The following GRID1 variants were observed in gnomAD, a reference collection of about 807,000 sequenced individuals.
The protein encoded by GRID1 is glutamate receptor ionotropic, delta-1.
In GRID1, 28 loss-of-function variants were observed where a neutral mutation model predicts 98.0. That is an observed-to-expected ratio of 0.29 (90% CI 0.21 to 0.39). The LOEUF is 0.39. Ranked by LOEUF, GRID1 falls within the 10% of genes least tolerant of loss-of-function variation. The pLI, the probability that GRID1 is intolerant of heterozygous loss-of-function variation, is 1.00. For synonymous variants in GRID1, 553 were observed against 538.5 expected, an observed-to-expected ratio of 1.03 and a Z score of -0.37; for missense variants, 1,111 against 1,340.5, an observed-to-expected ratio of 0.83 and a Z score of 2.67.
Position 86,165,077 on chromosome 10 carries a change from T to C in GRID1, c.521-26053A>G, listed in dbSNP as rs539013681. Among the ~76,000 whole-genome samples, 35 of 152,158 alleles carry C rather than the reference T, an allele frequency of 2.3e-4. No homozygotes were observed. In the South Asian group the frequency reaches 3.3e-3, roughly 14 times the overall value. ...TGCTGTGTGCTCCAGAGGCAGACTG[T>C]GCCTGTCAGGACGAACAGTCATGGA... On this transcript the variant is annotated intron_variant, in intron 3 of 15. Transcript: ENST00000327946.
intron 5 of GRID1, among the ~76,000 whole-genome samples, chr10:85,911,574 G>A (rs1210577812): frequency 6.6e-6 from 1 of 152,156 alleles, no homozygotes; most frequent in African/African-American, 2.4e-5. Context: ...CAGGTGCAAA[G>A]GTTATGTGTG....
chr10:86,280,057 G>T (rs1380269527), intron 2 of GRID1, among the ~76,000 whole-genome samples: 1 of 151,938 alleles, frequency 6.6e-6, no homozygotes, highest in Non-Finnish European at 1.5e-5. Context: ...TTAAAAATTA[G>T]CCAGGCATAG....
intron 8 of GRID1, among the ~76,000 whole-genome samples, chr10:85,843,932 T>C (rs1217221914): frequency 6.6e-6 from 1 of 152,114 alleles, no homozygotes; most frequent in Admixed American, 6.5e-5. Context: ...ATTGCACTCT[T>C]GGGCATTTAT....
chr10:86,121,734 G>A (rs1167321228), intron 4 of GRID1, among the ~76,000 whole-genome samples: 2 of 152,130 alleles, frequency 1.3e-5, no homozygotes, highest in African/African-American at 2.4e-5. Context: ...TGACTGTCTT[G>A]TTAAACTCTC....
chr10:86,133,217 T>G (rs1043388378), intron 4 of GRID1, among the ~76,000 whole-genome samples: 5 of 150,724 alleles, frequency 3.3e-5, no homozygotes, highest in African/African-American at 1.2e-4. Context: ...GTGCATGTGT[T>G]TGTGTGTGTG....
intron 8 of GRID1, among the ~76,000 whole-genome samples, chr10:85,782,915 TG>T (rs1842393640): frequency 6.6e-6 from 1 of 152,056 alleles, no homozygotes; most frequent in African/African-American, 2.4e-5. Flanking sequence ...CACATTGACA[TG>T]GGATCAAAAG....
intron 8 of GRID1, among the ~76,000 whole-genome samples, chr10:85,832,882 C>A (rs963971864): frequency 2.6e-5 from 4 of 152,140 alleles, no homozygotes; most frequent in Middle Eastern, 3.2e-3. Context: ...AATGGCCCAG[C>A]CCTAGAAGCA....
intron 8 of GRID1, among the ~76,000 whole-genome samples, chr10:85,753,787 G>A (rs1054219331): frequency 3.3e-5 from 5 of 152,172 alleles, no homozygotes; most frequent in African/African-American, 1.2e-4. Flanking sequence ...ATAGGAAGGG[G>A]AGTGGGAGAT....
chr10:86,298,877 C>T, intron 2 of GRID1, among the ~76,000 whole-genome samples: 1 of 152,162 alleles, frequency 6.6e-6, no homozygotes, highest in Admixed American at 6.5e-5. Flanking sequence ...GGTTTGTTCA[C>T]CACTCACGGA....
intron 3 of GRID1, among the ~76,000 whole-genome samples, chr10:86,150,117 T>G (rs1465667551): frequency 6.6e-6 from 1 of 152,264 alleles, no homozygotes; most frequent in Non-Finnish European, 1.5e-5. Context: ...TCCTGCTGCT[T>G]TGATGCCATT....
rs1307268236 is a variant in GRID1 at position 86,365,246 on chromosome 10, C to T, written c.79+1068G>A. ...AGTCCTCACCACCCCACTCCACCAC[C>T]CACCCTCCCGCCTTGTCCCGTCCTC... On this transcript the variant is annotated intron_variant, in intron 1 of 15. Transcript: ENST00000327946. This position sits in a 1 kb window ranked among gnomAD's most constrained non-coding sequence, Gnocchi z 4.8. Among the ~76,000 whole-genome samples, 4 of 152,078 alleles carry T rather than the reference C, an allele frequency of 2.6e-5. No individual in the cohort carries two copies. Among genetic ancestry groups the T allele is most frequent in the African/African-American group, 9.7e-5 (4 of 41,398 alleles).
intron 8 of GRID1, among the ~76,000 whole-genome samples, chr10:85,747,742 T>C (rs1001756032): frequency 6.6e-6 from 1 of 152,182 alleles, no homozygotes; most frequent in African/African-American, 2.4e-5. Flanking sequence ...ACAGAGATTT[T>C]GAAAGCATTT....
At chr10:86,112,728 T>A (rs1012758775) in intron 4 of GRID1, among the ~76,000 whole-genome samples, 5 of 152,186 alleles carry the variant, frequency 3.3e-5, no homozygotes, top group African/African-American at 1.2e-4. Context: ...CTGATGAAGA[T>A]GAAAGAGCAA....
At chr10:85,612,723 GCTTT>G (rs1426484718) in intron 15 of GRID1, among the ~76,000 whole-genome samples, 1 of 151,360 alleles carries the variant, frequency 6.6e-6, no homozygotes, top group Non-Finnish European at 1.5e-5. Flanking sequence ...CTTGGTGAAG[GCTTT>G]ATTTCAGAAA....
intron 5 of GRID1, among the ~76,000 whole-genome samples, chr10:85,896,601 A>T (rs1841297436): frequency 6.6e-6 from 1 of 152,226 alleles, no homozygotes; most frequent in African/African-American, 2.4e-5. Flanking sequence ...CACAAAATAG[A>T]AGTAGACGTG....
chr10:85,698,512 A>G (rs1300935940), intron 12 of GRID1, among the ~76,000 whole-genome samples: 1 of 151,456 alleles, frequency 6.6e-6, no homozygotes, highest in African/African-American at 2.4e-5. Context: ...TCTTTTTAGC[A>G]CTGAATCATA....
chr10:85,604,590 T>C (rs1222911937), intron 15 of GRID1, among the ~76,000 whole-genome samples: 1 of 152,178 alleles, frequency 6.6e-6, no homozygotes, highest in East Asian at 1.9e-4. Context: ...GGCTGGAGAA[T>C]GCCAGGCTTC....
chr10:86,315,877 A>G (rs938355027), intron 2 of GRID1, among the ~76,000 whole-genome samples: 2 of 151,656 alleles, frequency 1.3e-5, no homozygotes, highest in African/African-American at 4.9e-5. Flanking sequence ...ACATCATCCC[A>G]CTGGCCACCC....
chr10:85,617,325 T>C (rs1842803816), intron 14 of GRID1, among the ~76,000 whole-genome samples: 1 of 150,340 alleles, frequency 6.7e-6, no homozygotes, highest in South Asian at 2.1e-4. Flanking sequence ...CTCCACCTCC[T>C]GGGTTCAAGC....
Sources: gnomAD v4.1 joint callset for allele counts (sites outside exome capture counted in the v4.1 genomes callset) on GRCh38, gnomAD v4.1.1 for gene constraint, Gnocchi (gnomAD v3.1) non-coding constraint, MANE v1.5 for transcripts, NCBI Gene and HGNC (gene_info 2026-07-23, HGNC 2026-07-21) for gene names.